Variants in DLGAP1 observed in about 807,000 individuals in gnomAD.
DLGAP1 encodes the protein disks large-associated protein 1.
In DLGAP1, 11 loss-of-function variants were observed where a neutral mutation model predicts 90.8. The ratio of observed to expected loss-of-function variants is 0.12; its 90% CI spans 0.08 to 0.20. The LOEUF (loss-of-function observed/expected upper bound fraction) is 0.20, where lower values mean the gene tolerates loss of function less well. DLGAP1 is among the 10% of genes least tolerant of loss of function. The pLI is 1.00. For missense variants in DLGAP1, 1,050 were observed against 1,333.8 expected, an observed-to-expected ratio of 0.79 and a Z score of 3.31; for synonymous variants, 558 against 540.7, an observed-to-expected ratio of 1.03 and a Z score of -0.44.
chr18:3,798,790 T>C (rs34086801), intron 5 of DLGAP1, among the ~76,000 whole-genome samples: 5,266 of 152,316 alleles, frequency 0.035, 129 homozygotes, highest in Non-Finnish European at 0.053. Flanking sequence ...ACAATATTTA[T>C]TTAATAATAG....
At chr18:4,067,358 A>AAAGGAGGG (rs1467822546) in intron 2 of DLGAP1, among the ~76,000 whole-genome samples, 3 of 151,862 alleles carry the variant, frequency 2.0e-5, no homozygotes, top group Non-Finnish European at 2.9e-5. Context: ...GGAAGGGAGG[A>AAAGGAGGG]AAGGAGGGAG....
chr18:3,768,450 T>C (rs2064358352), intron 5 of DLGAP1, among the ~76,000 whole-genome samples: 1 of 152,140 alleles, frequency 6.6e-6, no homozygotes, highest in Non-Finnish European at 1.5e-5. Context: ...GACAAGATTT[T>C]TTAAAAATTT....
chr18:3,669,863 T>C (rs1286349990), intron 7 of DLGAP1, among the ~76,000 whole-genome samples: 1 of 152,186 alleles, frequency 6.6e-6, no homozygotes, highest in Non-Finnish European at 1.5e-5. Context: ...AAGCTGCCTA[T>C]AGGGCTAAAC....
chr18:4,275,779 G>T (rs2079398255), intron 1 of DLGAP1, among the ~76,000 whole-genome samples: 1 of 152,132 alleles, frequency 6.6e-6, no homozygotes. Context: ...GAGTGGCAGA[G>T]ATGGAGGCTA....
rs1174306642 is a variant in DLGAP1 at position 3,960,449 on chromosome 18, GC to G, written c.-73+44666del. ...ATGGTGGCCTGTACCTATAGTCCCA[GC>G]TAATGGGGGTTGGGGAAGAGGGGGT... On this transcript the variant is annotated intron_variant, in intron 3 of 12. Transcript: ENST00000315677. Among the ~76,000 whole-genome samples the G allele has an allele frequency of 8.6e-5, 13 of 152,038 alleles. No individual in the cohort carries two copies. The South Asian group carries it at 1.7e-3, about 20-fold the overall frequency.
chr18:3,789,524 A>AG (rs113780030), intron 5 of DLGAP1, among the ~76,000 whole-genome samples: 6,018 of 152,280 alleles, frequency 0.04, 363 homozygotes, highest in African/African-American at 0.13. Flanking sequence ...GGATAAGAAG[A>AG]GGCAGTGATC....
chr18:3,563,462 T>C (rs1481918138), intron 9 of DLGAP1, among the ~76,000 whole-genome samples: 4 of 89,622 alleles, frequency 4.5e-5, no homozygotes, highest in African/African-American at 8.1e-5. Context: ...TATGGCTTTT[T>C]TTTGTTTTTT....
intron 4 of DLGAP1, among the ~76,000 whole-genome samples, chr18:3,826,534 C>G (rs537761727): frequency 7.9e-5 from 12 of 152,166 alleles, no homozygotes; most frequent in African/African-American, 2.9e-4. Context: ...GCTCAAGGCA[C>G]AAAGAAGCAC....
chr18:3,502,807 A>G (rs2050010376), intron 11 of DLGAP1, among the ~76,000 whole-genome samples, 162 bp from the exon 12 acceptor site: 2 of 152,192 alleles, frequency 1.3e-5, no homozygotes, highest in African/African-American at 2.4e-5. Flanking sequence ...AATTTTATAC[A>G]CTCATCCGTT....
At chr18:4,385,651 G>A (rs1004392205) in intron 1 of DLGAP1, among the ~76,000 whole-genome samples, 8 of 152,116 alleles carry the variant, frequency 5.3e-5, no homozygotes, top group African/African-American at 1.9e-4. Flanking sequence ...TTGACAGGCT[G>A]TTCTAGGAAA....
At position 4,134,301 on chromosome 18, in the gene DLGAP1, C is replaced by T. The variant is rs77629097; in HGVS notation, c.-159+16879G>A. Among the ~76,000 whole-genome samples the T allele has an allele frequency of 1.7e-3, 262 of 152,114 alleles. 2 individuals carry two copies. Among genetic ancestry groups the T allele is most frequent in the East Asian group, 0.016 (83 of 5,154 alleles). ...CTTCCCTGGATTTCAAGCCACAATCCTTCTCTTTTTCTATTAACTGCCTCC... is the reference window on the plus strand; with the variant it reads ...CTTCCCTGGATTTCAAGCCACAATCTTTCTCTTTTTCTATTAACTGCCTCC... On this transcript the variant is annotated intron_variant, in intron 2 of 12. Coordinates refer to ENST00000315677, the MANE Select transcript of DLGAP1 (RefSeq NM_004746.4).
intron 8 of DLGAP1, among the ~76,000 whole-genome samples, chr18:3,579,297 G>T (rs573487464): frequency 6.6e-6 from 1 of 152,180 alleles, no homozygotes; most frequent in Non-Finnish European, 1.5e-5. Context: ...CGCAACCTCC[G>T]TCTATCGGGT....
intron 2 of DLGAP1, among the ~76,000 whole-genome samples, chr18:4,053,398 G>T (rs1446355885): frequency 1.3e-5 from 2 of 152,164 alleles, no homozygotes; most frequent in African/African-American, 4.8e-5. Context: ...CACAAGAACA[G>T]ATTGGAAGGT....
chr18:3,620,723 G>C (rs2146023851), intron 7 of DLGAP1, among the ~76,000 whole-genome samples: 1 of 152,044 alleles, frequency 6.6e-6, no homozygotes, highest in African/African-American at 2.4e-5. Context: ...ACGCCCGGCT[G>C]ATTTTTGTAT....
At chr18:4,248,611 T>G (rs2078706756) in intron 1 of DLGAP1, 1 of 152,206 alleles carries the variant, frequency 6.6e-6, no homozygotes, top group African/African-American at 2.4e-5. Flanking sequence ...GATGGAGAGC[T>G]GCCCTGAACT....
intron 2 of DLGAP1, among the ~76,000 whole-genome samples, chr18:4,081,500 C>T (rs755611596): frequency 3.9e-5 from 6 of 152,130 alleles, no homozygotes; most frequent in Non-Finnish European, 5.9e-5. Flanking sequence ...ACATGCTGAA[C>T]TGAAGAAGTC....
chr18:4,368,315 A>G (rs1017094156), intron 1 of DLGAP1, among the ~76,000 whole-genome samples: 2 of 152,190 alleles, frequency 1.3e-5, no homozygotes, highest in Non-Finnish European at 2.9e-5. Context: ...GGACCACAGT[A>G]AGCAGATATT....
At chr18:3,705,197 G>T (rs2061395776) in intron 7 of DLGAP1, among the ~76,000 whole-genome samples, 1 of 152,116 alleles carries the variant, frequency 6.6e-6, no homozygotes. Flanking sequence ...TTGGCATGAT[G>T]ACTTCAGCGA....
intron 9 of DLGAP1, among the ~76,000 whole-genome samples, chr18:3,543,166 A>ATTT (rs76751283): frequency 0.032 from 2,049 of 63,660 alleles, 81 homozygotes; most frequent in Middle Eastern, 0.043. Context: ...CATGACTCCA[A>ATTT]TTTTTTTTTT....
Sources: allele counts gnomAD v4.1 joint callset (sites outside exome capture counted in the v4.1 genomes callset), GRCh38; gene constraint gnomAD v4.1.1; transcripts MANE v1.5; gene names NCBI Gene and HGNC (gene_info 2026-07-23, HGNC 2026-07-21).